The following ARHGAP24 variants were observed in gnomAD, a reference collection of about 807,000 sequenced individuals.
ARHGAP24 encodes the protein rho GTPase-activating protein 24.
In ARHGAP24, 50 loss-of-function variants were observed where a neutral mutation model predicts 76.4. The observed-to-expected ratio is 0.65, with a 90% CI of 0.52 to 0.83. The LOEUF is 0.83. Ranked by LOEUF, ARHGAP24 falls within the 40% of genes least tolerant of loss-of-function variation. The probability of loss-of-function intolerance (pLI) is 0.00; values close to 1 mark genes in which losing one functional copy is unlikely to be tolerated. For missense variants in ARHGAP24, 930 were observed against 914.2 expected (o/e 1.02, Z -0.22); for synonymous variants, 345 against 323.3 (o/e 1.07, Z -0.72).
At chr4:85,778,810 G>T in intron 3 of ARHGAP24, 1 of 985,338 alleles carries the variant, frequency 1.0e-6, no homozygotes, top group Non-Finnish European at 1.2e-6. Flanking sequence ...AGCTACCACC[G>T]CTTTGAAAGG....
At chr4:85,888,665 G>C (rs1344085914) in intron 3 of ARHGAP24, among the ~76,000 whole-genome samples, 1 of 151,830 alleles carries the variant, frequency 6.6e-6, no homozygotes, top group African/African-American at 2.4e-5. Context: ...GTGCAGGTTT[G>C]TTAACATAGG....
intron 3 of ARHGAP24, among the ~76,000 whole-genome samples, chr4:85,874,492 G>A (rs1292730872): frequency 6.6e-6 from 1 of 151,828 alleles, no homozygotes; most frequent in Non-Finnish European, 1.5e-5. Context: ...AGATTTTCAG[G>A]TTCATTCTTA....
chr4:85,664,979 A>G (rs1393971072), intron 2 of ARHGAP24, among the ~76,000 whole-genome samples: 1 of 152,182 alleles, frequency 6.6e-6, no homozygotes, highest in South Asian at 2.1e-4. Flanking sequence ...CTGAAAAAAA[A>G]CATATATTCT....
chr4:85,991,467 C>T (rs1051317419), intron 8 of ARHGAP24: 4 of 152,138 alleles, frequency 2.6e-5, no homozygotes, highest in Non-Finnish European at 4.4e-5. Context: ...AATTCTCCAT[C>T]AGCTAGTGAA....
chr4:85,494,563 C>G (rs1723483484), intron 1 of ARHGAP24, among the ~76,000 whole-genome samples: 1 of 151,736 alleles, frequency 6.6e-6, no homozygotes. Flanking sequence ...AGCCTGTAGT[C>G]TCAGCTACCC....
rs188594714 is a variant in ARHGAP24 at position 85,894,374 on chromosome 4, G to A, written c.269-29274G>A. Among the ~76,000 whole-genome samples, 17 of 152,184 alleles carry A rather than the reference G, an allele frequency of 1.1e-4. No individual in the cohort carries two copies. In the East Asian group the frequency reaches 2.1e-3, roughly 19 times the overall value. The stretch of plus-strand genomic sequence containing the variant: ...GGTAGAAGACATACCAAAAGGACAG[G>A]ATGAGGAAAAAACAGCCAGAGAAGT... On this transcript the variant is annotated intron_variant, in intron 3 of 9. Transcript: ENST00000395184.
At chr4:85,880,844 G>T (rs1045156512) in intron 3 of ARHGAP24, among the ~76,000 whole-genome samples, 25 of 152,154 alleles carry the variant, frequency 1.6e-4, no homozygotes, top group African/African-American at 5.8e-4. Context: ...AACCTTTGCA[G>T]TTTGAGGTAC....
At chr4:85,993,330 T>C (rs1350946106) in intron 8 of ARHGAP24, among the ~76,000 whole-genome samples, 1 of 152,214 alleles carries the variant, frequency 6.6e-6, no homozygotes, top group African/African-American at 2.4e-5. Context: ...TCAATCTTCC[T>C]TTTAACAGGA....
intron 3 of ARHGAP24, among the ~76,000 whole-genome samples, chr4:85,734,106 T>A (rs772736020): frequency 1.3e-5 from 2 of 152,132 alleles, no homozygotes; most frequent in Non-Finnish European, 2.9e-5. Flanking sequence ...ACTCTACTTA[T>A]TCCTGCCACA....
In ARHGAP24 at chr4:85,839,901, G is replaced by A. The variant is rs1171854198; in HGVS notation, c.269-83747G>A. 5.8e-5 allele frequency among the ~76,000 whole-genome samples: 8 copies of A among 136,904 alleles called. No homozygotes were observed. In the Admixed American group the frequency reaches 6.3e-4, roughly 11 times the overall value. 89.8% of individuals were successfully genotyped at this position (136,904 alleles called of 152,430 possible). A position where few individuals can be genotyped will look rare whatever the true frequency, so the allele number is the denominator to read the frequency against. ...GTCTTGCTCTATCACCCAGGCTGGA[G>A]TGCAGTGGCGCAACCTTGGCTCACT... On this transcript the variant is annotated intron_variant, in intron 3 of 9. Transcript: ENST00000395184.
At chr4:85,932,871 TG>T (rs968190805) in intron 4 of ARHGAP24, among the ~76,000 whole-genome samples, 2 of 152,136 alleles carry the variant, frequency 1.3e-5, no homozygotes, top group African/African-American at 4.8e-5. Flanking sequence ...AGTTCTGCAG[TG>T]GGGTCCTGGG....
intron 3 of ARHGAP24, among the ~76,000 whole-genome samples, chr4:85,826,160 A>G (rs1729702837): frequency 2.6e-5 from 4 of 151,592 alleles, no homozygotes; most frequent in Admixed American, 6.6e-5. Flanking sequence ...GCCCCTCTCC[A>G]CAACTCGACC....
chr4:85,544,089 A>G (rs1725812532), intron 1 of ARHGAP24, among the ~76,000 whole-genome samples: 1 of 152,192 alleles, frequency 6.6e-6, no homozygotes, highest in Non-Finnish European at 1.5e-5. Flanking sequence ...CCTCTCATCT[A>G]AATGATGACT....
chr4:85,781,186 T>C (rs1727538741), intron 3 of ARHGAP24, among the ~76,000 whole-genome samples: 1 of 152,260 alleles, frequency 6.6e-6, no homozygotes, highest in Non-Finnish European at 1.5e-5. Flanking sequence ...ATTTTTCTGA[T>C]TTCTTGAATG....
chr4:85,730,689 G>A (rs997110931), intron 3 of ARHGAP24, among the ~76,000 whole-genome samples: 11 of 152,132 alleles, frequency 7.2e-5, no homozygotes, highest in Non-Finnish European at 1.2e-4. Context: ...GATTATAGGC[G>A]TGAGCCACCA....
intron 9 of ARHGAP24, chr4:85,999,704 T>C (rs1193329236): frequency 6.6e-6 from 1 of 152,148 alleles, no homozygotes; most frequent in Non-Finnish European, 1.5e-5. Flanking sequence ...ATCTTAGTGG[T>C]TATGGAGAAA....
chr4:85,505,667 G>A (rs6845736), intron 1 of ARHGAP24, among the ~76,000 whole-genome samples: 105,694 of 151,662 alleles, frequency 0.7, 38,093 homozygotes, highest in East Asian at 0.86. Flanking sequence ...GATGGGTTAG[G>A]ACATGCTCCT....
At position 85,476,475 on chromosome 4, in the gene ARHGAP24, G is replaced by A. The variant is rs1402576223; in HGVS notation, c.-21+916G>A. On this transcript the variant is annotated intron_variant, in intron 1 of 9. Coordinates refer to ENST00000395184, the MANE Select transcript of ARHGAP24 (RefSeq NM_001025616.3). ...CATTGTTTCATCTCTTTCTAAAAAG[G>A]AAATAAATAAATCGTGCTGAGTATT... Among the ~76,000 whole-genome samples the A allele has an allele frequency of 2.6e-5, 4 of 151,964 alleles. No individual in the cohort carries two copies. The East Asian group carries it at 7.7e-4, about 29-fold the overall frequency.
chr4:85,711,977 T>C (rs1439663479), intron 2 of ARHGAP24, among the ~76,000 whole-genome samples: 10 of 152,188 alleles, frequency 6.6e-5, no homozygotes, highest in Admixed American at 5.9e-4. Flanking sequence ...GCTCTTCACA[T>C]TTCTGTTTCA....
Sources: gnomAD v4.1 joint callset for allele counts (sites outside exome capture counted in the v4.1 genomes callset) on GRCh38, gnomAD v4.1.1 for gene constraint, MANE v1.5 for transcripts, NCBI Gene and HGNC (gene_info 2026-07-23, HGNC 2026-07-21) for gene names.